MYO16: variants seen among roughly 807,000 people sequenced by gnomAD.
The protein encoded by MYO16 is myosin XVI.
A neutral mutation model predicts 205.3 loss-of-function variants in MYO16; 94 were observed. That is an observed-to-expected ratio of 0.46 (90% confidence interval 0.39 to 0.54). The LOEUF is 0.54. Ranked by LOEUF, MYO16 falls within the 20% of genes least tolerant of loss-of-function variation. The pLI is 0.00. For synonymous variants in MYO16, 988 were observed against 954.0 expected (o/e 1.04, Z -0.66); for missense variants, 2,315 against 2,387.5 (o/e 0.97, Z 0.63).
intron 28 of MYO16, among the ~76,000 whole-genome samples, chr13:109,112,997 C>T (rs1454575119): frequency 3.3e-5 from 5 of 152,160 alleles, no homozygotes; most frequent in Admixed American, 2.0e-4. Flanking sequence ...ACCAGGACTT[C>T]AGTGCTACTG....
At chr13:108,707,841 A>G (rs995699107) in intron 2 of MYO16, among the ~76,000 whole-genome samples, 1 of 152,190 alleles carries the variant, frequency 6.6e-6, no homozygotes, top group East Asian at 1.9e-4. Context: ...TTTTAAACAC[A>G]CAATTTTAGA....
chr13:109,097,165 C>T (rs1888804482), intron 27 of MYO16, among the ~76,000 whole-genome samples: 1 of 152,152 alleles, frequency 6.6e-6, no homozygotes, highest in Non-Finnish European at 1.5e-5. Flanking sequence ...CCTGTCTCTA[C>T]TAAAAATACA....
chr13:108,942,933 T>C (rs1242931190), intron 16 of MYO16, among the ~76,000 whole-genome samples: 1 of 152,176 alleles, frequency 6.6e-6, no homozygotes, highest in Non-Finnish European at 1.5e-5. Flanking sequence ...CAATTTCCAG[T>C]CTAAAATTTA....
intron 31 of MYO16, among the ~76,000 whole-genome samples, chr13:109,137,378 A>G (rs1876828212): frequency 6.6e-6 from 1 of 152,216 alleles, no homozygotes; most frequent in South Asian, 2.1e-4. Flanking sequence ...CGCTGAAAAT[A>G]TTATTGAAGC....
chr13:108,794,471 T>C (rs1001111762), intron 6 of MYO16, among the ~76,000 whole-genome samples: 1 of 152,230 alleles, frequency 6.6e-6, no homozygotes, highest in African/African-American at 2.4e-5. Context: ...CATGTAGTTT[T>C]TGAAATGTAA....
intron 1 of MYO16, among the ~76,000 whole-genome samples, chr13:108,643,910 A>G (rs1037253100): frequency 1.3e-5 from 2 of 152,254 alleles, no homozygotes; most frequent in Non-Finnish European, 2.9e-5. Flanking sequence ...AGAAATCATA[A>G]AAGTGCTGTA....
chr13:108,688,366 G>A (rs1882763339), intron 2 of MYO16, among the ~76,000 whole-genome samples: 1 of 152,082 alleles, frequency 6.6e-6, no homozygotes, highest in Non-Finnish European at 1.5e-5. Context: ...GTACCGATGT[G>A]GTAGATCATA....
At chr13:108,573,704 TGTA>T in the MYO16 span, among the ~76,000 whole-genome samples, 1 of 152,204 alleles carries the variant, frequency 6.6e-6, no homozygotes, top group Non-Finnish European at 1.5e-5. Context: ...TCAGAGATAG[TGTA>T]GCAGCCTCTC....
intron 9 of MYO16, among the ~76,000 whole-genome samples, chr13:108,838,224 T>C (rs1371936792): frequency 4.6e-5 from 7 of 152,026 alleles, no homozygotes; most frequent in Non-Finnish European, 7.4e-5. Flanking sequence ...TATAAAATAA[T>C]GAACACTTTA....
intron 1 of MYO16, among the ~76,000 whole-genome samples, chr13:108,654,865 G>T (rs1292663127): frequency 6.6e-6 from 1 of 152,190 alleles, no homozygotes; most frequent in South Asian, 2.1e-4. Context: ...CTAGAGAATT[G>T]TGGAACTTTG....
intron 1 of MYO16, among the ~76,000 whole-genome samples, chr13:108,645,898 C>T (rs1406545616): frequency 1.3e-5 from 2 of 152,210 alleles, no homozygotes; most frequent in African/African-American, 4.8e-5. Flanking sequence ...AGTTTCCCAG[C>T]TCAGACTGAA....
chr13:108,839,139 A>C (rs1877099703), intron 9 of MYO16, among the ~76,000 whole-genome samples: 1 of 152,078 alleles, frequency 6.6e-6, no homozygotes, highest in Admixed American at 6.6e-5. Context: ...GTGGCACAGC[A>C]TATCTCATGA....
chr13:108,973,515 T>C (rs9559451), intron 20 of MYO16, among the ~76,000 whole-genome samples: 92,379 of 152,002 alleles, frequency 0.61, 30,166 homozygotes, highest in South Asian at 0.82. Flanking sequence ...CAATGTGAGA[T>C]TTCCTAGAGA....
At position 109,140,212 on chromosome 13, in the gene MYO16, G is replaced by T. The variant is rs1250318359; in HGVS notation, c.4052-52G>T. 3 of 1,580,858 alleles carry T rather than the reference G, an allele frequency of 1.9e-6. No homozygotes were observed. The African/African-American group carries it at 4.1e-5, about 22-fold the overall frequency. On this transcript the variant is annotated intron_variant, in intron 31 of 34. Coordinates refer to ENST00000457511, the MANE Select transcript of MYO16 (RefSeq NM_001198950.3). This position sits in a 1 kb window ranked among gnomAD's most constrained non-coding sequence, Gnocchi z 8.0. ...CCGAGTCGAGCCCCGGGCTTGGTGG[G>T]CACCCGTGGGCCTGGCCTGGCACCC... is the stretch of plus-strand genomic sequence containing the variant.
chr13:108,975,474 G>A (rs1362388914), intron 20 of MYO16, among the ~76,000 whole-genome samples: 1 of 152,128 alleles, frequency 6.6e-6, no homozygotes, highest in African/African-American at 2.4e-5. Flanking sequence ...AAGTAATTGA[G>A]GTCAACTTGG....
the MYO16 span, among the ~76,000 whole-genome samples, chr13:108,590,653 G>A: frequency 0.69 from 104,674 of 151,968 alleles, 36,498 homozygotes; most frequent in Non-Finnish European, 0.74. Context: ...ACACAGACAC[G>A]CACAGAAAAC....
chr13:108,541,685 C>T, the MYO16 span, among the ~76,000 whole-genome samples: 1 of 152,066 alleles, frequency 6.6e-6, no homozygotes, highest in South Asian at 2.1e-4. Context: ...AGAAGACCTA[C>T]ATGTGGCCAA....
At chr13:109,099,434 A>G (rs1306358264) in intron 27 of MYO16, among the ~76,000 whole-genome samples, 1 of 152,186 alleles carries the variant, frequency 6.6e-6, no homozygotes, top group Non-Finnish European at 1.5e-5. Flanking sequence ...CAATGCGAAA[A>G]CCACAATTAC....
chr13:108,829,111 T>C (rs1405073382), intron 9 of MYO16, among the ~76,000 whole-genome samples: 1 of 152,162 alleles, frequency 6.6e-6, no homozygotes, highest in East Asian at 1.9e-4. Flanking sequence ...GAATCTAAAA[T>C]GGGGGCAGTC....
Sources: allele counts gnomAD v4.1 joint callset (sites outside exome capture counted in the v4.1 genomes callset), GRCh38; gene constraint gnomAD v4.1.1; non-coding constraint Gnocchi (gnomAD v3.1); transcripts MANE v1.5; gene names NCBI Gene and HGNC (gene_info 2026-07-23, HGNC 2026-07-21).